The following GRAMD4 variants were observed in gnomAD, a reference collection of about 807,000 sequenced individuals.
GRAMD4 encodes GRAM domain-containing protein 4.
Under a neutral mutation model 83.9 loss-of-function variants are expected in GRAMD4, and 25 were observed. The observed-to-expected ratio is 0.30, with a 90% CI of 0.22 to 0.42. GRAMD4 has a LOEUF of 0.42. Ranked by LOEUF, GRAMD4 falls within the 10% of genes least tolerant of loss-of-function variation. GRAMD4 has a pLI of 1.00. For missense variants in GRAMD4, 593 were observed against 788.7 expected (o/e 0.75, Z 2.97); for synonymous variants, 336 against 320.9 (o/e 1.05, Z -0.50).
intron 1 of GRAMD4, among the ~76,000 whole-genome samples, chr22:46,597,419 C>T (rs577270870): frequency 6.6e-6 from 1 of 152,298 alleles, no homozygotes; most frequent in Non-Finnish European, 1.5e-5. Flanking sequence ...GTGGTAGTTA[C>T]CTCTCCTTCT....
intron 3 of GRAMD4, among the ~76,000 whole-genome samples, chr22:46,653,587 G>A (rs535346271): frequency 2.9e-4 from 44 of 152,334 alleles, no homozygotes; most frequent in Middle Eastern, 3.4e-3. Context: ...GTGCTCTGCC[G>A]CGTGGTGGAA....
intron 2 of GRAMD4, among the ~76,000 whole-genome samples, chr22:46,629,872 A>G (rs1205780480): frequency 1.3e-5 from 2 of 152,154 alleles, no homozygotes; most frequent in Non-Finnish European, 2.9e-5. Context: ...ATTTGCCCAT[A>G]TGGGGCATCT....
At chr22:46,681,010 A>G (rs2082668131), downstream of GRAMD4, among the ~76,000 whole-genome samples, 1 of 139,232 alleles carries the variant, frequency 7.2e-6, no homozygotes, top group Non-Finnish European at 1.5e-5. Flanking sequence ...CCTGCCAAAC[A>G]CACCCTCACA....
chr22:46,636,319 C>A (rs1569278494), intron 2 of GRAMD4, among the ~76,000 whole-genome samples: 1 of 152,202 alleles, frequency 6.6e-6, no homozygotes, highest in Admixed American at 6.5e-5. Context: ...TGGGACAGAC[C>A]CCAAGCAGCT....
chr22:46,664,839 C>T (rs1295551186), intron 8 of GRAMD4, among the ~76,000 whole-genome samples: 2 of 152,240 alleles, frequency 1.3e-5, no homozygotes, highest in African/African-American at 4.8e-5. Flanking sequence ...CTGAGCGGGC[C>T]CCTTGGGAGA....
chr22:46,642,730 A>G (rs2081989883), intron 3 of GRAMD4, among the ~76,000 whole-genome samples: 1 of 152,150 alleles, frequency 6.6e-6, no homozygotes, highest in East Asian at 1.9e-4. Context: ...TTTTCACCTT[A>G]GATTTCTAGA....
At chr22:46,601,503 AT>A (rs2081311938) in intron 1 of GRAMD4, among the ~76,000 whole-genome samples, 1 of 151,746 alleles carries the variant, frequency 6.6e-6, no homozygotes, top group South Asian at 2.1e-4. Context: ...TTTTAATTTA[AT>A]TTAAAAATTA....
At chr22:46,648,931 G>A (rs988459444) in intron 3 of GRAMD4, among the ~76,000 whole-genome samples, 2 of 115,806 alleles carry the variant, frequency 1.7e-5, no homozygotes, top group Non-Finnish European at 3.5e-5. Flanking sequence ...TGGATGGATG[G>A]ATGCATGGAT....
At chr22:46,583,928 G>A (rs908088512) in intron 1 of GRAMD4, among the ~76,000 whole-genome samples, 1 of 152,206 alleles carries the variant, frequency 6.6e-6, no homozygotes, top group Non-Finnish European at 1.5e-5. Flanking sequence ...GAGTGGCTGT[G>A]TCACTGATGT....
intron 3 of GRAMD4, among the ~76,000 whole-genome samples, chr22:46,650,700 T>C (rs994535127): frequency 2.6e-5 from 4 of 152,216 alleles, no homozygotes; most frequent in African/African-American, 9.6e-5. Flanking sequence ...GTGGGGGCGA[T>C]TTCTATGTGC....
At position 46,643,984 on chromosome 22, in the gene GRAMD4, G is replaced by A. The variant is rs180742333; in HGVS notation, c.283+6024G>A. Among the ~76,000 whole-genome samples the A allele has an allele frequency of 2.8e-3, 422 of 152,204 alleles. 2 individuals carry two copies. The highest frequency in any genetic ancestry group is 9.6e-3 in the African/African-American group (400 of 41,516). ...CCGCCCCCATTTCCTCTCTTCCCCTGTAGATAACCAGTTTTCTTCTAATTT... is the reference window on the plus strand; with the variant it reads ...CCGCCCCCATTTCCTCTCTTCCCCTATAGATAACCAGTTTTCTTCTAATTT... On this transcript the variant is annotated intron_variant, in intron 3 of 18. Coordinates refer to ENST00000406902, the MANE Select transcript of GRAMD4 (RefSeq NM_015124.5).
chr22:46,633,124 G>A (rs755053039), intron 2 of GRAMD4, among the ~76,000 whole-genome samples: 1 of 152,226 alleles, frequency 6.6e-6, no homozygotes, highest in Non-Finnish European at 1.5e-5. Flanking sequence ...GCTGGAACAG[G>A]GTGGCACGGT....
chr22:46,677,100 C>A, intron 18 of GRAMD4, 47 bp from the exon 19 acceptor site: 1 of 1,606,762 alleles, frequency 6.2e-7, no homozygotes, highest in Non-Finnish European at 8.5e-7. Flanking sequence ...GGTCCTGGCG[C>A]CAGCCTGGCT....
chr22:46,679,474 C>G lies in GRAMD4; in HGVS notation c.*2223C>G, dbSNP rs1323933555. ...AGCGGAGCGCGGATCGGCACGGGCT[C>G]TGGGCTCCCCGTGGAGAGAAGCTGT... On this transcript the variant is annotated 3_prime_UTR_variant, in exon 19 of 19. Transcript: ENST00000406902. 14 of 985,432 alleles carry G rather than the reference C, an allele frequency of 1.4e-5. No homozygotes were observed. The highest frequency in any genetic ancestry group is 1.1e-4 in the East Asian group (1 of 8,820). 61.0% of individuals were successfully genotyped at this position (985,432 alleles called of 1,614,324 possible).
intron 3 of GRAMD4, among the ~76,000 whole-genome samples, chr22:46,644,983 C>T (rs1458862584): frequency 2.4e-5 from 3 of 126,554 alleles, no homozygotes; most frequent in African/African-American, 9.0e-5. Flanking sequence ...CTCCTGGACT[C>T]AAGCCATCCA....
intron 4 of GRAMD4, 70 bp from the exon 5 acceptor site, chr22:46,661,310 CG>C (rs1437398207): frequency 4.9e-6 from 6 of 1,231,950 alleles, no homozygotes; most frequent in Admixed American, 3.4e-5. Flanking sequence ...CGAGAGCCCT[CG>C]GGGGTGCCTG....
rs2081570500 is a variant in GRAMD4 at position 46,621,246 on chromosome 22, C to T, written c.-50+681C>T. 2.0e-5 allele frequency among the ~76,000 whole-genome samples: 3 copies of T among 151,904 alleles called. No homozygotes were observed. Among genetic ancestry groups the T allele is most frequent in the South Asian group, 4.1e-4 (2 of 4,820 alleles). ...CCTGGAGCTATGCTCAGTGTGTAGA[C>T]GGGCCTTGGTTCCTGCATCTGTAAG... On this transcript the variant is annotated intron_variant, in intron 1 of 18. Transcript: ENST00000406902. The surrounding 1 kb of genome is among the most constrained non-coding windows in gnomAD (Gnocchi z 5.8).
chr22:46,681,419 C>A (rs1327231682), downstream of GRAMD4, among the ~76,000 whole-genome samples: 1 of 152,260 alleles, frequency 6.6e-6, no homozygotes, highest in Non-Finnish European at 1.5e-5. Flanking sequence ...ATTGTGATAA[C>A]TATTTCAGTG....
intron 1 of GRAMD4, among the ~76,000 whole-genome samples, chr22:46,614,977 T>C (rs1253021156): frequency 4.7e-3 from 244 of 51,410 alleles, no homozygotes; most frequent in Middle Eastern, 0.032. Flanking sequence ...GTAGGTTCCC[T>C]TGTGCATGTA....
Sources: gnomAD v4.1 joint callset for allele counts (sites outside exome capture counted in the v4.1 genomes callset) on GRCh38, gnomAD v4.1.1 for gene constraint, Gnocchi (gnomAD v3.1) non-coding constraint, MANE v1.5 for transcripts, NCBI Gene and HGNC (gene_info 2026-07-23, HGNC 2026-07-21) for gene names.